Variants in HNRNPC observed in about 807,000 individuals in gnomAD.
The protein encoded by HNRNPC is heterogeneous nuclear ribonucleoprotein C.
Under a neutral mutation model 33.2 loss-of-function variants are expected in HNRNPC, and 3 were observed. That is an observed-to-expected ratio of 0.09 (90% CI 0.04 to 0.23). HNRNPC has a LOEUF of 0.23. Among genes scored for constraint, HNRNPC ranks in the 10% least tolerant of loss-of-function variants. HNRNPC has a pLI of 1.00. For missense variants in HNRNPC, 143 were observed against 366.7 expected (o/e 0.39, Z 4.98); for synonymous variants, 121 against 126.7 (o/e 0.96, Z 0.30).
chr14:21,222,795 G>A (rs1319284413), intron 5 of HNRNPC, among the ~76,000 whole-genome samples: 2 of 152,128 alleles, frequency 1.3e-5, no homozygotes, highest in Non-Finnish European at 2.9e-5. Context: ...TGGGGAGGCT[G>A]AGGCAGGAGA....
At chr14:21,222,990 G>C (rs1893003748) in intron 5 of HNRNPC, among the ~76,000 whole-genome samples, 1 of 152,058 alleles carries the variant, frequency 6.6e-6, no homozygotes, top group African/African-American at 2.4e-5. Context: ...CTCGAGGTCA[G>C]GTGTTCGAGA....
chr14:21,233,101 G>C (rs982813339), intron 3 of HNRNPC, among the ~76,000 whole-genome samples: 11 of 151,378 alleles, frequency 7.3e-5, no homozygotes, highest in Non-Finnish European at 8.8e-5. Flanking sequence ...ATAACCTTCA[G>C]GTTTTGGTAC....
At chr14:21,222,040 C>CAAAAA (rs71112558) in intron 5 of HNRNPC, among the ~76,000 whole-genome samples, 1 of 65,694 alleles carries the variant, frequency 1.5e-5, no homozygotes, top group African/African-American at 6.2e-5. Context: ...GACTCCGTCT[C>CAAAAA]AAAAAAAAAA....
intron 2 of HNRNPC, among the ~76,000 whole-genome samples, chr14:21,251,393 T>C (rs576073096): frequency 4.1e-4 from 62 of 152,122 alleles, no homozygotes; most frequent in Non-Finnish European, 8.1e-4. Context: ...TCTACAATGC[T>C]TGCAGCCAGG....
intron 3 of HNRNPC, among the ~76,000 whole-genome samples, chr14:21,231,653 T>C (rs1330463627): frequency 6.6e-6 from 1 of 152,204 alleles, no homozygotes; most frequent in African/African-American, 2.4e-5. Context: ...AGGCTAAGGC[T>C]TCATCTTCCG....
chr14:21,222,160 G>T (rs1007752202), intron 5 of HNRNPC, among the ~76,000 whole-genome samples: 4 of 152,002 alleles, frequency 2.6e-5, no homozygotes, highest in African/African-American at 9.7e-5. Flanking sequence ...AGACTAGAAT[G>T]GATAAAAGCA....
intron 2 of HNRNPC, among the ~76,000 whole-genome samples, chr14:21,257,732 G>A (rs934376546): frequency 1.1e-4 from 17 of 152,094 alleles, no homozygotes; most frequent in African/African-American, 4.1e-4. Flanking sequence ...CTACAGCTGT[G>A]TGCCACCGTG....
intron 2 of HNRNPC, among the ~76,000 whole-genome samples, chr14:21,240,436 T>C (rs1379500951): frequency 1.3e-5 from 2 of 152,244 alleles, no homozygotes. Flanking sequence ...TACCATTACA[T>C]TAACTTTAAA....
chr14:21,225,250 G>A (rs1893287246), intron 5 of HNRNPC, among the ~76,000 whole-genome samples: 2 of 150,834 alleles, frequency 1.3e-5, no homozygotes, highest in Admixed American at 6.6e-5. Flanking sequence ...GTGAAACCCC[G>A]TCTCTACTAA....
chr14:21,247,000 G>A (rs1896050662), intron 2 of HNRNPC, among the ~76,000 whole-genome samples: 1 of 152,134 alleles, frequency 6.6e-6, no homozygotes, highest in African/African-American at 2.4e-5. Flanking sequence ...AACTTTATCA[G>A]TAAGGCTTCT....
At chr14:21,233,681 C>T (rs1264937431) in intron 3 of HNRNPC, among the ~76,000 whole-genome samples, 1 of 152,156 alleles carries the variant, frequency 6.6e-6, no homozygotes, top group Non-Finnish European at 1.5e-5. Flanking sequence ...ACCATTTAGG[C>T]AACGTTTTTA....
chr14:21,226,899 G>GAA (rs763914963), intron 5 of HNRNPC, among the ~76,000 whole-genome samples: 1,163 of 106,326 alleles, frequency 0.011, 31 homozygotes, highest in African/African-American at 0.04. Context: ...AAAAAAAGGG[G>GAA]GGGGGGGGAC....
At position 21,260,834 on chromosome 14, in the gene HNRNPC, G is replaced by A. The variant is rs1452098940; in HGVS notation, c.-37+2477C>T. The stretch of plus-strand genomic sequence containing the variant: ...AGAAATTAGCCGTGCATGGTGGTCC[G>A]TGCCTGTAGTCTCAGCTACTCGGGA... On this transcript the variant is annotated intron_variant, in intron 2 of 8. Coordinates refer to ENST00000553300, the MANE Select transcript of HNRNPC (RefSeq NM_004500.4). Among the ~76,000 whole-genome samples, 9 of 151,778 alleles carry A rather than the reference G, an allele frequency of 5.9e-5. 1 individual carries two copies. Among genetic ancestry groups the A allele is most frequent in the Non-Finnish European group, 1.3e-4 (9 of 67,944 alleles).
rs973744026 is a variant in HNRNPC at position 21,256,448 on chromosome 14, TC to T, written c.-37+6862del. The stretch of plus-strand genomic sequence containing the variant: ...TGGGCAAAGAGAGCAAAACTCCATC[TC>T]CCCCCCAAAAAAAAAATCCTTCAAA... On this transcript the variant is annotated intron_variant, in intron 2 of 8. Transcript: ENST00000553300. Among the ~76,000 whole-genome samples, 4 of 147,658 alleles carry T rather than the reference TC, an allele frequency of 2.7e-5. No individual in the cohort carries two copies. The South Asian group carries it at 6.5e-4, about 24-fold the overall frequency.
chr14:21,256,836 A>G (rs1441915203), intron 2 of HNRNPC, among the ~76,000 whole-genome samples: 2 of 151,866 alleles, frequency 1.3e-5, no homozygotes, highest in Non-Finnish European at 2.9e-5. Context: ...TATATTTTTG[A>G]AGAGACAGGG....
At chr14:21,266,580 A>G (rs1044713897) in intron 1 of HNRNPC, among the ~76,000 whole-genome samples, 2 of 151,088 alleles carry the variant, frequency 1.3e-5, no homozygotes, top group Non-Finnish European at 2.9e-5. Context: ...AAAATTTCCA[A>G]TATCGAGAAT....
chr14:21,222,972 G>A (rs570015250), intron 5 of HNRNPC, among the ~76,000 whole-genome samples: 24 of 152,102 alleles, frequency 1.6e-4, no homozygotes, highest in Non-Finnish European at 2.2e-4. Flanking sequence ...AGGCTGAGGC[G>A]GCCAGATCTC....
chr14:21,212,592 G>T (rs577693287), intron 6 of HNRNPC, among the ~76,000 whole-genome samples: 6 of 151,778 alleles, frequency 4.0e-5, no homozygotes, highest in Non-Finnish European at 7.4e-5. Context: ...ACCCAGGCTG[G>T]AGTGCAATGG....
intron 1 of HNRNPC, among the ~76,000 whole-genome samples, chr14:21,265,903 T>A (rs1878893799): frequency 6.6e-6 from 1 of 152,150 alleles, no homozygotes; most frequent in African/African-American, 2.4e-5. Context: ...TCAGAATGAG[T>A]GATGCATGAG....
Sources: allele counts gnomAD v4.1 joint callset (sites outside exome capture counted in the v4.1 genomes callset), GRCh38; gene constraint gnomAD v4.1.1; transcripts MANE v1.5; gene names NCBI Gene and HGNC (gene_info 2026-07-23, HGNC 2026-07-21).